DPYD: variants seen among roughly 807,000 people sequenced by gnomAD.
DPYD encodes dihydropyrimidine dehydrogenase.
DPYD carries 109 observed loss-of-function variants against 116.2 expected under a neutral mutation model. That is an observed-to-expected ratio of 0.94 (90% CI 0.80 to 1.10). The LOEUF is 1.10. Ranked by LOEUF, DPYD falls within the 50% of genes least tolerant of loss-of-function variation. The pLI is 0.00. For missense variants in DPYD, 1,302 were observed against 1,254.5 expected (o/e 1.04, Z -0.57); for synonymous variants, 440 against 432.0 (o/e 1.02, Z -0.23).
intron 3 of DPYD, among the ~76,000 whole-genome samples, chr1:97,789,429 T>C (rs956525733): frequency 6.6e-6 from 1 of 152,188 alleles, no homozygotes; most frequent in Non-Finnish European, 1.5e-5. Context: ...TTTTGCAAAA[T>C]TGAATCACAA....
chr1:97,462,697 A>T (rs1677093761), intron 13 of DPYD, among the ~76,000 whole-genome samples: 1 of 152,242 alleles, frequency 6.6e-6, no homozygotes, highest in Non-Finnish European at 1.5e-5. Flanking sequence ...AAGGAATTGA[A>T]GTATTTTACC....
intron 11 of DPYD, among the ~76,000 whole-genome samples, chr1:97,558,510 C>G (rs1280846522): frequency 7.2e-5 from 11 of 152,086 alleles, no homozygotes; most frequent in Admixed American, 7.2e-4. Flanking sequence ...GAAGAATGGG[C>G]ACATAGTGAA....
At chr1:97,628,771 T>A (rs1316908861) in intron 8 of DPYD, among the ~76,000 whole-genome samples, 1 of 152,184 alleles carries the variant, frequency 6.6e-6, no homozygotes, top group East Asian at 1.9e-4. Context: ...GCAAATAGAA[T>A]TAGTAAATAC....
intron 20 of DPYD, among the ~76,000 whole-genome samples, chr1:97,114,176 G>C (rs182797694): frequency 6.6e-6 from 1 of 152,124 alleles, no homozygotes; most frequent in South Asian, 2.1e-4. Context: ...AAAACGATGA[G>C]TGACTATCAC....
intron 10 of DPYD, among the ~76,000 whole-genome samples, chr1:97,583,759 G>A (rs889235776): frequency 6.7e-6 from 1 of 149,564 alleles, no homozygotes; most frequent in Non-Finnish European, 1.5e-5. Flanking sequence ...AAAATGTGAC[G>A]CAATATTTTT....
At chr1:97,751,371 CAT>C (rs1351484233) in intron 3 of DPYD, among the ~76,000 whole-genome samples, 58 of 141,006 alleles carry the variant, frequency 4.1e-4, no homozygotes, top group East Asian at 4.1e-3. Flanking sequence ...TAAACACACA[CAT>C]ATATATACAT....
At chr1:97,318,468 T>C (rs1173616536) in intron 16 of DPYD, among the ~76,000 whole-genome samples, 1 of 150,958 alleles carries the variant, frequency 6.6e-6, no homozygotes, top group Non-Finnish European at 1.5e-5. Flanking sequence ...CCAACAAAGA[T>C]CAAAAGGGAC....
intron 3 of DPYD, among the ~76,000 whole-genome samples, chr1:97,799,014 G>C (rs772366727): frequency 6.6e-6 from 1 of 151,924 alleles, no homozygotes; most frequent in Non-Finnish European, 1.5e-5. Flanking sequence ...AAAAGGGGTA[G>C]ACATTACGTC....
chr1:97,709,488 T>A (rs1182972325), intron 5 of DPYD, among the ~76,000 whole-genome samples: 1 of 151,850 alleles, frequency 6.6e-6, no homozygotes, highest in Non-Finnish European at 1.5e-5. Flanking sequence ...TTTTCTTGTG[T>A]ATTCATCCTG....
rs1229246342 is a variant in DPYD, at chr1:97,505,807, T to C, written c.1740+9919A>G. Among the ~76,000 whole-genome samples the C allele has an allele frequency of 3.3e-5, 5 of 151,904 alleles. No individual in the cohort carries two copies. In the South Asian group the frequency reaches 6.2e-4, roughly 19 times the overall value. ...ATTTTAAGCTAATTTTTCACATAAA[T>C]AGAGGGTAAATTTGGCAGGATAGAA... On this transcript the variant is annotated intron_variant, in intron 13 of 22. Transcript: ENST00000370192.
At chr1:97,807,367 T>C (rs1293696465) in intron 3 of DPYD, among the ~76,000 whole-genome samples, 5 of 152,156 alleles carry the variant, frequency 3.3e-5, no homozygotes, top group Admixed American at 3.3e-4. Flanking sequence ...AATTGTGTAG[T>C]GGTATCTGTT....
At chr1:97,892,110 T>G (rs565446011) in intron 1 of DPYD, among the ~76,000 whole-genome samples, 169 of 151,906 alleles carry the variant, frequency 1.1e-3, no homozygotes, top group African/African-American at 3.9e-3. Context: ...AATAAACATG[T>G]TTTTCCCATT....
chr1:97,390,182 C>T (rs1029356723), intron 14 of DPYD, among the ~76,000 whole-genome samples: 1 of 152,012 alleles, frequency 6.6e-6, no homozygotes, highest in Non-Finnish European at 1.5e-5. Flanking sequence ...TGTAACCATA[C>T]TGTGAACTAC....
At chr1:97,598,698 A>G (rs1655048978) in intron 8 of DPYD, among the ~76,000 whole-genome samples, 1 of 152,184 alleles carries the variant, frequency 6.6e-6, no homozygotes, top group Non-Finnish European at 1.5e-5. Context: ...ACTTTTATTG[A>G]CTACAGACAC....
In DPYD at chr1:97,077,970, T is replaced by A. The variant is rs976574994; in HGVS notation, c.*1006A>T. On this transcript the variant is annotated 3_prime_UTR_variant, in exon 23 of 23. Transcript: ENST00000370192. ...TTTATATGACACTATTTACTGATTA[T>A]GAAAATAGAGAAATACAAAAATATT... 1.3e-5 allele frequency: 2 copies of A among 152,110 alleles called. No individual in the cohort carries two copies. The highest frequency in any genetic ancestry group is 2.9e-5 in the Non-Finnish European group (2 of 68,014). The allele number at this position is 152,110 out of a possible 1,614,324, so 9.4% of individuals were successfully genotyped here.
rs778672361 is a variant in DPYD, at chr1:97,322,333, A to G, written c.2059-16036T>C. The stretch of plus-strand genomic sequence containing the variant: ...GGAGCTGGAAAGAAATATCTAGGCC[A>G]TTTTGTTTGTTTGTTTGTTTGCTTG... On this transcript the variant is annotated intron_variant, in intron 16 of 22. Transcript: ENST00000370192. Among the ~76,000 whole-genome samples, 141 of 140,810 alleles carry G rather than the reference A, an allele frequency of 1.0e-3. 1 individual carries two copies. Among genetic ancestry groups the G allele is most frequent in the Admixed American group, 2.5e-3 (32 of 12,712 alleles). 92.4% of individuals were successfully genotyped at this position (140,810 alleles called of 152,430 possible).
chr1:97,257,452 T>TATATATATATATATATAGAGAGAGAGAG (rs375490078), intron 18 of DPYD, among the ~76,000 whole-genome samples: 20 of 126,458 alleles, frequency 1.6e-4, no homozygotes, highest in African/African-American at 6.0e-4. Context: ...TATATATATA[T>TATATATATATATATATAGAGAGAGAGAG]AGAGAGAGAG....
In DPYD at chr1:97,234,989, C is replaced by T. The variant is rs767468952; in HGVS notation, c.2305G>A (p.Ala769Thr). 3.1e-6 allele frequency: 5 copies of T among 1,614,090 alleles called. No homozygotes were observed. Among genetic ancestry groups the T allele is most frequent in the Non-Finnish European group, 4.2e-6 (5 of 1,179,980 alleles). The change falls in exon 19 of 23, where the codon GCA becomes ACA. Residue 769 changes from alanine (A) to threonine (T), a missense_variant. By Grantham distance (58) the Ala-to-Thr change is moderately conservative. Transcript: ENST00000370192. ...RTTYGGVSGT[A>T]IRPIALRAVT... ...GCTCTCAAAGCAATAGGTCTGATTG[C>T]TGTCCCTACACAAAATCAGAATAAT...
At chr1:97,916,368 C>G (rs1674213031) in intron 1 of DPYD, among the ~76,000 whole-genome samples, 2 of 152,048 alleles carry the variant, frequency 1.3e-5, no homozygotes, top group South Asian at 4.1e-4. Context: ...TGTGATGTTC[C>G]CCTTCCTGTG....
Sources: allele counts gnomAD v4.1 joint callset (sites outside exome capture counted in the v4.1 genomes callset), GRCh38; gene constraint gnomAD v4.1.1; transcripts MANE v1.5; gene names NCBI Gene and HGNC (gene_info 2026-07-23, HGNC 2026-07-21).